The following MLC1 variants were observed in gnomAD, a reference collection of about 807,000 sequenced individuals.
MLC1 encodes the protein membrane protein MLC1.
Under a neutral mutation model 44.7 loss-of-function variants are expected in MLC1, and 32 were observed. The observed-to-expected ratio is 0.72, with a 90% CI of 0.54 to 0.96. MLC1 has a LOEUF of 0.96. Among genes scored for constraint, MLC1 ranks in the 40% least tolerant of loss-of-function variants. The probability of loss-of-function intolerance (pLI) is 0.00; values close to 1 mark genes in which losing one functional copy is unlikely to be tolerated. For missense variants in MLC1, 459 were observed against 492.2 expected (o/e 0.93, Z 0.64); for synonymous variants, 190 against 213.0 (o/e 0.89, Z 0.94).
At chr22:50,075,901 C>T (rs796120288) in intron 7 of MLC1, among the ~76,000 whole-genome samples, 14 of 151,906 alleles carry the variant, frequency 9.2e-5, no homozygotes, top group African/African-American at 3.4e-4. Flanking sequence ...AAGGCCAAGG[C>T]GGAGGGAAGG....
rs771562961 is a variant in MLC1, at chr22:50,061,587, T to C, written c.1130A>G (p.Gln377Arg). 1.9e-6 allele frequency: 3 copies of C among 1,613,774 alleles called. No individual in the cohort carries two copies. Among genetic ancestry groups the C allele is most frequent in the Non-Finnish European group, 2.5e-6 (3 of 1,179,974 alleles). Reference sequence around the variant, plus strand: ...CCCGGTTTCCGCGTCTGGGGGTCACTGGGCCATTTGCACCACGACGGCTCT... The same window carrying C: ...CCCGGTTTCCGCGTCTGGGGGTCACCGGGCCATTTGCACCACGACGGCTCT... ...AWRAVVVQMA[Q>R] The change falls in exon 12 of 12, where the codon CAG (glutamine) becomes CGG (arginine). Residue 377 changes from glutamine to arginine, a missense_variant. By Grantham distance (43) the Gln-to-Arg change is conservative. Transcript: ENST00000311597.
Position 50,064,154 on chromosome 22 carries a change from CAGG to C in MLC1, c.936_938del (p.Leu314del). The C allele has an allele frequency of 6.2e-7, 1 of 1,607,142 alleles. No individual in the cohort carries two copies. The highest frequency in any genetic ancestry group is 8.5e-7 in the Non-Finnish European group (1 of 1,179,680). ...TGCCCGTGTTGAGGCCGGCCTGCAG[CAGG>C]AGCACTAGCAGCAGCAGCAGCAGCA... is the stretch of plus-strand genomic sequence containing the variant. On this transcript the variant is annotated inframe_deletion, in exon 11 of 12. Coordinates refer to ENST00000311597, the MANE Select transcript of MLC1 (RefSeq NM_015166.4).
In MLC1 at chr22:50,077,316, C is replaced by T. The variant is rs570247696; in HGVS notation, c.525+85G>A. Reference sequence around the variant, plus strand: ...CCTGGAGCAGCCCAGATCGGCCCTCCGAGGGTGACGCTGAGACCCACCTCG... The same window carrying T: ...CCTGGAGCAGCCCAGATCGGCCCTCTGAGGGTGACGCTGAGACCCACCTCG... On this transcript the variant is annotated intron_variant, in intron 6 of 11. Transcript: ENST00000311597. 1.6e-4 allele frequency: 199 copies of T among 1,243,714 alleles called. 1 individual carries two copies. In the African/African-American group the frequency reaches 2.2e-3, roughly 14 times the overall value. 77.0% of individuals were successfully genotyped at this position (1,243,714 alleles called of 1,614,324 possible).
chr22:50,076,288 C>T (rs1300204102), intron 7 of MLC1, among the ~76,000 whole-genome samples: 2 of 152,182 alleles, frequency 1.3e-5, no homozygotes, highest in Non-Finnish European at 2.9e-5. Flanking sequence ...GGTGCGGTGG[C>T]TCACACCTGT....
At position 50,076,807 on chromosome 22, in the gene MLC1, T is replaced by C. The variant is rs58496403; in HGVS notation, c.597+34A>G. ...AGCCTCAGTCACCCCCGACAGAGTA[T>C]GAGAGAAAAGAGAAAGAAGGGAAGT... On this transcript the variant is annotated intron_variant, in intron 7 of 11. Transcript: ENST00000311597. 19,686 of 1,602,600 alleles carry C rather than the reference T, an allele frequency of 0.012. 2,086 individuals are homozygous for C. In the African/African-American group the frequency reaches 0.23, roughly 19 times the overall value.
At chr22:50,079,771 A>T in intron 5 of MLC1, 147 bp downstream of exon 5, 1 of 731,374 alleles carries the variant, frequency 1.4e-6, no homozygotes, top group Non-Finnish European at 2.5e-6. Flanking sequence ...TTTTCTTTGG[A>T]TGCATAAATC....
rs8138590 is a variant in MLC1 at position 50,072,534 on chromosome 22, C to G, written c.714+1682G>C. On this transcript the variant is annotated intron_variant, in intron 8 of 11. Transcript: ENST00000311597. ...CACCTGATGGGCAGGGGGTGCTCTCCGGGAAGATGGAGAGAGCAGAGCCAC... is the reference window on the plus strand; with the variant it reads ...CACCTGATGGGCAGGGGGTGCTCTCGGGGAAGATGGAGAGAGCAGAGCCAC... Among the ~76,000 whole-genome samples the G allele has an allele frequency of 4.5e-3, 679 of 152,150 alleles. 7 individuals carry two copies. Among genetic ancestry groups the G allele is most frequent in the African/African-American group, 0.016 (651 of 41,480 alleles).
intron 8 of MLC1, among the ~76,000 whole-genome samples, chr22:50,072,141 G>T (rs1477837679): frequency 6.6e-6 from 1 of 152,262 alleles, no homozygotes; most frequent in Non-Finnish European, 1.5e-5. Context: ...GGTGGCTTCA[G>T]GGTGGCCTAT....
At chr22:50,074,160 A>C in intron 8 of MLC1, 56 bp downstream of exon 8, 2 of 1,437,372 alleles carry the variant, frequency 1.4e-6, no homozygotes, top group Non-Finnish European at 1.9e-6. Flanking sequence ...CCAGCCACGC[A>C]GGATCTGAGC....
In MLC1 at chr22:50,084,762, G is replaced by A; in HGVS notation, c.141C>T (p.Phe47=). 6.2e-7 allele frequency: 1 copy of A among 1,614,158 alleles called. No homozygotes were observed. Among genetic ancestry groups the A allele is most frequent in the Non-Finnish European group, 8.5e-7 (1 of 1,180,056 alleles). The change falls in exon 2 of 12, where the codon TTC becomes TTT. Residue 47 remains phenylalanine (F), a synonymous_variant. Coordinates refer to ENST00000311597, the MANE Select transcript of MLC1 (RefSeq NM_015166.4). ...CAGAGAAGACCCACGTCTTGTGGCT[G>A]AAGCAGGGGGGCAGTCTCTTCGACA... ...LQLSKRLPPC[F]SHKTWVFSVL...
At chr22:50,062,282 C>CAGCCGCCCACCCTGAGCCCA (rs2061586728) in intron 11 of MLC1, among the ~76,000 whole-genome samples, 2 of 139,206 alleles carry the variant, frequency 1.4e-5, no homozygotes, top group African/African-American at 2.7e-5. Context: ...CCTTGAGCCC[C>CAGCCGCCCACCCTGAGCCCA]AGCCGTCCAT....
rs952478629 is a variant in MLC1, at chr22:50,083,447, G to A, written c.178-274C>T. On this transcript the variant is annotated intron_variant, in intron 2 of 11. Coordinates refer to ENST00000311597, the MANE Select transcript of MLC1 (RefSeq NM_015166.4). The surrounding 1 kb of genome is among the most constrained non-coding windows in gnomAD (Gnocchi z 4.6). ...CTGGAGGAGAGAAGAAAGGGGATCT[G>A]CCAATATTTAGAGCAAGGAATGGCA... is the stretch of plus-strand genomic sequence containing the variant. Among the ~76,000 whole-genome samples the A allele has an allele frequency of 8.5e-5, 13 of 152,144 alleles. No homozygotes were observed. The highest frequency in any genetic ancestry group is 2.7e-4 in the African/African-American group (11 of 41,428).
In MLC1 at chr22:50,064,048, G is replaced by T. The variant is rs551842465; in HGVS notation, c.1045C>A (p.Arg349Ser). Residue 349 changes from arginine (R) to serine (S), a missense_variant, in exon 11 of 12, where the codon CGC (arginine) becomes AGC (serine). Physicochemically the swap from Arg to Ser is moderately radical, Grantham distance 110 (BLOSUM62 -1). Coordinates refer to ENST00000311597, the MANE Select transcript of MLC1 (RefSeq NM_015166.4). ...AGGCCACTCACCTCCCCAGCCAGGC[G>T]CTCCTGCGGGCCGTTCTGGGTGTCC... ...SWDTQNGPQERLAGEVARSPL... is the reference protein window; with the variant it reads ...SWDTQNGPQESLAGEVARSPL... 2 of 1,514,916 alleles carry T rather than the reference G, an allele frequency of 1.3e-6. No individual in the cohort carries two copies. The highest frequency in any genetic ancestry group is 8.8e-7 in the Non-Finnish European group (1 of 1,131,598). The allele number at this position is 1,514,916 out of a possible 1,614,324, so 93.8% of individuals were successfully genotyped here.
intron 10 of MLC1, among the ~76,000 whole-genome samples, chr22:50,067,025 C>T (rs1356074419): frequency 6.6e-6 from 1 of 152,164 alleles, no homozygotes; most frequent in Non-Finnish European, 1.5e-5. Context: ...AAAGGGAAGC[C>T]TCAGGCTCAC....
chr22:50,074,383 G>T, intron 7 of MLC1, 51 bp from the exon 8 acceptor site: 1 of 1,463,686 alleles, frequency 6.8e-7, no homozygotes, highest in Non-Finnish European at 9.6e-7. Flanking sequence ...GACACCCCCA[G>T]ATTCCCAGAA....
At chr22:50,067,985 G>T (rs946825265) in intron 10 of MLC1, among the ~76,000 whole-genome samples, 6 of 151,472 alleles carry the variant, frequency 4.0e-5, no homozygotes, top group Admixed American at 2.6e-4. Flanking sequence ...AAAACACTAG[G>T]TATCTAAGAA....
At chr22:50,068,314 G>A (rs2061762567) in intron 10 of MLC1, 119 bp downstream of exon 10, 2 of 1,406,654 alleles carry the variant, frequency 1.4e-6, no homozygotes, top group Admixed American at 3.5e-5. Context: ...CGGAGGAGGT[G>A]CCTCCTGGAG....
chr22:50,073,351 G>A (rs1175407143), intron 8 of MLC1, among the ~76,000 whole-genome samples: 1 of 152,270 alleles, frequency 6.6e-6, no homozygotes, highest in Non-Finnish European at 1.5e-5. Flanking sequence ...AAGGTGCTGA[G>A]AACCTCGTGG....
chr22:50,084,661 G>T (rs568064434), intron 2 of MLC1, 65 bp downstream of exon 2: 22 of 1,566,404 alleles, frequency 1.4e-5, no homozygotes, highest in Non-Finnish European at 1.8e-5. Context: ...CCAGGGCGCT[G>T]CAGTCCGTCA....
Sources: allele counts gnomAD v4.1 joint callset (sites outside exome capture counted in the v4.1 genomes callset), GRCh38; gene constraint gnomAD v4.1.1; non-coding constraint Gnocchi (gnomAD v3.1); transcripts MANE v1.5; gene names NCBI Gene and HGNC (gene_info 2026-07-23, HGNC 2026-07-21).